ZSWIM5: variants seen among roughly 807,000 people sequenced by gnomAD.
ZSWIM5 encodes the protein zinc finger SWIM-type containing 5.
In ZSWIM5, 55 loss-of-function variants were observed where a neutral mutation model predicts 119.6. That is an observed-to-expected ratio of 0.46 (90% CI 0.37 to 0.58). ZSWIM5 has a LOEUF of 0.58. Among genes scored for constraint, ZSWIM5 ranks in the 20% least tolerant of loss-of-function variants. The pLI is 0.00. For synonymous variants in ZSWIM5, 537 were observed against 606.9 expected (o/e 0.88, Z 1.69); for missense variants, 1,193 against 1,512.8 (o/e 0.79, Z 3.51).
intron 2 of ZSWIM5, among the ~76,000 whole-genome samples, chr1:45,070,753 A>G (rs1351119953): frequency 3.3e-5 from 5 of 152,194 alleles, no homozygotes; most frequent in African/African-American, 1.2e-4. Context: ...TTCTTTGATA[A>G]TAACTTGCTA....
intron 5 of ZSWIM5, among the ~76,000 whole-genome samples, chr1:45,047,017 CAAAAAAA>C (rs35174853): frequency 4.3e-5 from 4 of 92,798 alleles, no homozygotes; most frequent in Admixed American, 1.2e-4. Context: ...AACTCTGTCT[CAAAAAAA>C]AAAAAAAAAA....
Position 45,088,149 on chromosome 1 carries a change from G to C in ZSWIM5, c.684C>G (p.Cys228Trp), listed in dbSNP as rs1352003691. The C allele has an allele frequency of 1.9e-6, 3 of 1,614,034 alleles. No homozygotes were observed. Among genetic ancestry groups the C allele is most frequent in the African/African-American group, 2.7e-5 (2 of 74,916 alleles). Reference protein sequence around the residue: ...TYKVAISFDRCKITSVTCGCG... With the variant: ...TYKVAISFDRWKITSVTCGCG... ...AGCCACATGTCACTGAGGTGATTTT[G>C]CATCGATCAAAACTGATTGCAACTT... The change falls in exon 2 of 14, where the codon TGC (cysteine) becomes TGG (tryptophan). Residue 228 changes from cysteine to tryptophan, a missense_variant. Cys to Trp is a radical substitution (Grantham distance 215, BLOSUM62 -2). Around this residue, in one of 2 missense-constraint regions of ZSWIM5, gnomAD observed 961 missense variants for 1,290.0 expected, o/e 0.74. Transcript: ENST00000359600. The surrounding 1 kb of genome is among the most constrained non-coding windows in gnomAD (Gnocchi z 4.2).
At chr1:45,121,500 G>A (rs997662162) in intron 1 of ZSWIM5, among the ~76,000 whole-genome samples, 11 of 152,062 alleles carry the variant, frequency 7.2e-5, no homozygotes, top group Admixed American at 2.6e-4. Flanking sequence ...TGGATTTTCC[G>A]CAGGGACTTA....
chr1:45,107,085 C>G (rs1645485539), intron 1 of ZSWIM5, among the ~76,000 whole-genome samples: 1 of 152,202 alleles, frequency 6.6e-6, no homozygotes, highest in Non-Finnish European at 1.5e-5. Flanking sequence ...CCGAAGGCCA[C>G]AGGAACCTCT....
intron 1 of ZSWIM5, among the ~76,000 whole-genome samples, chr1:45,095,294 T>C (rs570829202): frequency 6.6e-6 from 1 of 152,166 alleles, no homozygotes; most frequent in Non-Finnish European, 1.5e-5. Flanking sequence ...TCTCTAATTT[T>C]TTTTTATTTT....
chr1:45,141,465 T>C (rs1369410677), intron 1 of ZSWIM5, among the ~76,000 whole-genome samples: 1 of 152,122 alleles, frequency 6.6e-6, no homozygotes, highest in African/African-American at 2.4e-5. Context: ...AGAGAACATG[T>C]AGATCTGTCC....
chr1:45,125,451 GA>G (rs1645614965), intron 1 of ZSWIM5, among the ~76,000 whole-genome samples: 1 of 151,702 alleles, frequency 6.6e-6, no homozygotes, highest in African/African-American at 2.4e-5. Flanking sequence ...GCAATGCTGA[GA>G]GGGAAATTTA....
chr1:45,174,347 T>G (rs1213434930), intron 1 of ZSWIM5, among the ~76,000 whole-genome samples: 1 of 151,934 alleles, frequency 6.6e-6, no homozygotes, highest in Non-Finnish European at 1.5e-5. Context: ...AATTGGAGAT[T>G]TTTAATGTAA....
At chr1:45,035,578 C>G (rs973736583) in intron 10 of ZSWIM5, 110 bp downstream of exon 10, 21 of 1,390,602 alleles carry the variant, frequency 1.5e-5, no homozygotes, top group Non-Finnish European at 2.1e-5. Flanking sequence ...GGTAGCGGGT[C>G]CAACAGAATG....
At chr1:45,123,897 T>C (rs1367927430) in intron 1 of ZSWIM5, among the ~76,000 whole-genome samples, 1 of 151,982 alleles carries the variant, frequency 6.6e-6, no homozygotes, top group Non-Finnish European at 1.5e-5. Context: ...AAATAACACC[T>C]ACAGGAGAAA....
chr1:45,018,748 C>T lies in ZSWIM5; in HGVS notation c.3264G>A (p.Leu1088=), dbSNP rs760747107. 31 of 1,614,236 alleles carry T rather than the reference C, an allele frequency of 1.9e-5. 1 individual carries two copies. The South Asian group carries it at 3.0e-4, about 15-fold the overall frequency. Residue 1088 remains leucine (L), a synonymous_variant, in exon 14 of 14, where the codon CTG becomes CTA. Transcript: ENST00000359600. The surrounding 1 kb of genome is among the most constrained non-coding windows in gnomAD (Gnocchi z 6.7). The part of the protein sequence containing the change: ...LRRCTVTAPG[L]AGIPGRRSSG... ...AGCTTCGGCGGCCTGGGATGCCGGC[C>T]AGGCCAGGTGCAGTCACTGTGCAGC...
At chr1:45,097,933 C>T (rs960388059) in intron 1 of ZSWIM5, among the ~76,000 whole-genome samples, 45 of 152,026 alleles carry the variant, frequency 3.0e-4, no homozygotes, top group Admixed American at 2.3e-3. Flanking sequence ...TATATAATAG[C>T]GGGGGACCTG....
intron 1 of ZSWIM5, among the ~76,000 whole-genome samples, chr1:45,110,988 C>T (rs1645513285): frequency 6.6e-6 from 1 of 152,168 alleles, no homozygotes; most frequent in South Asian, 2.1e-4. Context: ...GTACAGTACC[C>T]TTTAAGCTGG....
At chr1:45,036,623 G>A (rs964311307) in intron 8 of ZSWIM5, among the ~76,000 whole-genome samples, 3 of 151,912 alleles carry the variant, frequency 2.0e-5, no homozygotes, top group Non-Finnish European at 4.4e-5. Flanking sequence ...CGAATGTGCT[G>A]GGATTACAGG....
At chr1:45,109,300 T>C (rs988050440) in intron 1 of ZSWIM5, among the ~76,000 whole-genome samples, 1 of 152,210 alleles carries the variant, frequency 6.6e-6, no homozygotes, top group African/African-American at 2.4e-5. Context: ...CAGTTCTTCA[T>C]AGGAAAAACC....
In ZSWIM5 at chr1:45,040,565, G is replaced by A. The variant is rs1397634875; in HGVS notation, c.1610-27C>T. The A allele has an allele frequency of 2.4e-5, 37 of 1,556,374 alleles. No homozygotes were observed. In the East Asian group the frequency reaches 8.3e-4, roughly 35 times the overall value. On this transcript the variant is annotated intron_variant, in intron 6 of 13. Coordinates refer to ENST00000359600, the MANE Select transcript of ZSWIM5 (RefSeq NM_020883.2). ...TACCAAGTAAGAAGAAGATATTTTG[G>A]TCTAGTTAAAATTTCAAGTCAGGAA...
At chr1:45,115,288 C>A (rs534722296) in intron 1 of ZSWIM5, among the ~76,000 whole-genome samples, 1 of 151,720 alleles carries the variant, frequency 6.6e-6, no homozygotes, top group Non-Finnish European at 1.5e-5. Flanking sequence ...TGCCCCCCAC[C>A]TCCCTCCTGG....
At chr1:45,066,826 T>C (rs1300978200) in intron 2 of ZSWIM5, among the ~76,000 whole-genome samples, 1 of 152,136 alleles carries the variant, frequency 6.6e-6, no homozygotes, top group Non-Finnish European at 1.5e-5. Context: ...CTATAGCAAT[T>C]TACGTGAGAG....
chr1:45,180,579 G>A (rs960708836), intron 1 of ZSWIM5, among the ~76,000 whole-genome samples: 78 of 152,308 alleles, frequency 5.1e-4, no homozygotes, highest in Admixed American at 1.4e-3. Flanking sequence ...AAGGAGAGCA[G>A]TGGTTCTCCC....
Sources: allele counts gnomAD v4.1 joint callset (sites outside exome capture counted in the v4.1 genomes callset), GRCh38; gene constraint gnomAD v4.1.1; regional missense constraint gnomAD v4.1.1; non-coding constraint Gnocchi (gnomAD v3.1); transcripts MANE v1.5; gene names NCBI Gene and HGNC (gene_info 2026-07-23, HGNC 2026-07-21).